The following HMGN3 variants were observed in gnomAD, a reference collection of about 807,000 sequenced individuals.
HMGN3 encodes the protein high mobility group nucleosome-binding domain-containing protein 3.
HMGN3 carries 6 observed loss-of-function variants against 18.8 expected under a neutral mutation model. The ratio of observed to expected loss-of-function variants is 0.32; its 90% confidence interval spans 0.18 to 0.63. The LOEUF (loss-of-function observed/expected upper bound fraction) is 0.63. HMGN3 is among the 30% of genes least tolerant of loss of function. HMGN3 has a pLI of 0.79. For synonymous variants in HMGN3, 40 were observed against 36.5 expected (o/e 1.10, Z -0.35); for missense variants, 107 against 114.2 (o/e 0.94, Z 0.29).
At position 79,223,739 on chromosome 6, in the gene HMGN3, C is replaced by CTT. The variant is rs11461795; in HGVS notation, c.16-8719_16-8718dup. On this transcript the variant is annotated intron_variant, in intron 1 of 5. Transcript: ENST00000344726. ...GAGCTGTCCCTTTCACTAGAGTTACCTTTTTTTTTTTTTATGTGCTGTGGT... is the reference window on the plus strand; with the variant it reads ...GAGCTGTCCCTTTCACTAGAGTTACCTTTTTTTTTTTTTTTATGTGCTGTGGT... 5.3e-4 allele frequency among the ~76,000 whole-genome samples: 78 copies of CTT among 147,526 alleles called. 1 individual carries two copies. The South Asian group carries it at 6.7e-3, about 13-fold the overall frequency.
chr6:79,223,165 G>C (rs1457753469), intron 1 of HMGN3, among the ~76,000 whole-genome samples: 1 of 152,132 alleles, frequency 6.6e-6, no homozygotes, highest in Admixed American at 6.5e-5. Context: ...GATCACTTGA[G>C]GCCAGGAGTT....
exon 6 of HMGN3, chr6:79,201,397 C>A: frequency 3.0e-6 from 1 of 337,478 alleles, no homozygotes; most frequent in East Asian, 4.6e-5. Flanking sequence ...CAAATATGCA[C>A]AGTAAAAACA....
chr6:79,210,973 T>A lies in HMGN3; in HGVS notation c.67-2397A>T, dbSNP rs540553171. Among the ~76,000 whole-genome samples the A allele has an allele frequency of 2.6e-5, 3 of 116,930 alleles. No homozygotes were observed. In the East Asian group the frequency reaches 7.5e-4, roughly 29 times the overall value. The allele number at this position is 116,930 out of a possible 152,430, so 76.7% of individuals were successfully genotyped here. ...ATACCTTTTAAAAATTCAGGTCCAG[T>A]ACAGGAGTTCCAAAATAAAAAGCCT... On this transcript the variant is annotated intron_variant, in intron 2 of 5. Coordinates refer to ENST00000344726, the Ensembl canonical transcript of HMGN3.
intron 1 of HMGN3, among the ~76,000 whole-genome samples, chr6:79,226,044 T>A (rs767223165): frequency 2.0e-5 from 3 of 152,236 alleles, no homozygotes; most frequent in Admixed American, 6.5e-5. Context: ...TAAAAATACA[T>A]GTGGTTATTA....
chr6:79,205,019 T>G (rs933926418), intron 3 of HMGN3, among the ~76,000 whole-genome samples: 3 of 152,182 alleles, frequency 2.0e-5, no homozygotes, highest in African/African-American at 7.2e-5. Flanking sequence ...CATTCAAGTG[T>G]TTTGATAGGA....
At chr6:79,208,710 G>A (rs1776540287) in intron 2 of HMGN3, 134 bp from the exon 3 acceptor site, 1 of 759,736 alleles carries the variant, frequency 1.3e-6, no homozygotes, top group East Asian at 2.6e-5. Flanking sequence ...CCTTCTCCAG[G>A]TAAGCACAGT....
chr6:79,225,537 A>G (rs1191526981), intron 1 of HMGN3, among the ~76,000 whole-genome samples: 2 of 152,226 alleles, frequency 1.3e-5, no homozygotes, highest in Non-Finnish European at 2.9e-5. Context: ...TAATATTTAC[A>G]TTAAAATCCC....
intron 2 of HMGN3, among the ~76,000 whole-genome samples, chr6:79,214,204 CT>C (rs147294632): frequency 0.02 from 2,649 of 135,758 alleles, 21 homozygotes; most frequent in Non-Finnish European, 0.026. Flanking sequence ...AGTTCTTTTT[CT>C]TTTTTTTTTT....
At chr6:79,215,655 C>A (rs1188092354) in intron 1 of HMGN3, among the ~76,000 whole-genome samples, 2 of 152,230 alleles carry the variant, frequency 1.3e-5, no homozygotes, top group East Asian at 3.8e-4. Context: ...TGGGGCAGCA[C>A]CTGCCTCCTC....
At chr6:79,201,988 A>T (rs566517118) in intron 5 of HMGN3, 75 bp downstream of exon 6, 8 of 1,015,504 alleles carry the variant, frequency 7.9e-6, no homozygotes, top group Admixed American at 7.1e-5. Context: ...CATAATGATT[A>T]AAAAAAAAAA....
chr6:79,212,704 T>G (rs1051761776), intron 2 of HMGN3, among the ~76,000 whole-genome samples: 1 of 152,222 alleles, frequency 6.6e-6, no homozygotes, highest in Non-Finnish European at 1.5e-5. Context: ...CACAATGCCT[T>G]CTAATATGGC....
rs1303378085 is a variant in HMGN3, at chr6:79,228,055, C to T, written c.15+6491G>A. On this transcript the variant is annotated intron_variant, in intron 1 of 5. Coordinates refer to ENST00000344726, the Ensembl canonical transcript of HMGN3. ...ACAACAGGGTGGTTAAAAGCTATAA[C>T]CCCCAACCCTTTTAACTGAACAACA... is the stretch of plus-strand genomic sequence containing the variant. Among the ~76,000 whole-genome samples, 3 of 152,308 alleles carry T rather than the reference C, an allele frequency of 2.0e-5. No individual in the cohort carries two copies. The South Asian group carries it at 6.2e-4, about 32-fold the overall frequency.
intron 1 of HMGN3, among the ~76,000 whole-genome samples, chr6:79,230,614 C>T (rs551210097): frequency 2.0e-5 from 3 of 152,122 alleles, no homozygotes; most frequent in South Asian, 4.1e-4. Context: ...CTAGTAAAAC[C>T]AAACATTTCT....
At chr6:79,218,865 A>T (rs1162430997) in intron 1 of HMGN3, among the ~76,000 whole-genome samples, 1 of 152,244 alleles carries the variant, frequency 6.6e-6, no homozygotes. Flanking sequence ...CATTGAAATA[A>T]AAAACTCAAA....
chr6:79,230,466 T>C (rs1777786161), intron 1 of HMGN3, among the ~76,000 whole-genome samples: 2 of 152,234 alleles, frequency 1.3e-5, no homozygotes. Context: ...TAAAGGAAAT[T>C]ATACTCTCAT....
exon 1 of HMGN3, chr6:79,234,556 G>A: frequency 1.9e-6 from 3 of 1,611,444 alleles, no homozygotes; most frequent in South Asian, 1.1e-5. Flanking sequence ...CTTTCTCTTC[G>A]GCATAATGAC....
chr6:79,226,251 G>A (rs979871023), intron 1 of HMGN3, among the ~76,000 whole-genome samples: 2 of 152,150 alleles, frequency 1.3e-5, no homozygotes, highest in African/African-American at 4.8e-5. Context: ...AAGATCACAG[G>A]CTCTGCAGCC....
chr6:79,233,282 A>C (rs545992460), intron 1 of HMGN3, among the ~76,000 whole-genome samples: 1 of 152,176 alleles, frequency 6.6e-6, no homozygotes, highest in Non-Finnish European at 1.5e-5. Flanking sequence ...TGCACAACAA[A>C]CTCTAAGACT....
At chr6:79,201,807 C>A in intron 5 of HMGN3, 81 bp from the exon 7 acceptor site, 1 of 1,553,528 alleles carries the variant, frequency 6.4e-7, no homozygotes, top group Non-Finnish European at 8.6e-7. Flanking sequence ...CACCAACACA[C>A]ACAGTTTTGA....
Sources: gnomAD v4.1 joint callset for allele counts (sites outside exome capture counted in the v4.1 genomes callset) on GRCh38, gnomAD v4.1.1 for gene constraint, MANE v1.5 for transcripts, NCBI Gene and HGNC (gene_info 2026-07-23, HGNC 2026-07-21) for gene names.